NRP1: variants seen among roughly 807,000 people sequenced by gnomAD.
The protein encoded by NRP1 is neuropilin-1.
Under a neutral mutation model 106.7 loss-of-function variants are expected in NRP1, and 35 were observed. The ratio of observed to expected loss-of-function variants is 0.33; its 90% confidence interval spans 0.25 to 0.43. The LOEUF (loss-of-function observed/expected upper bound fraction) is 0.43, where lower values mean the gene tolerates loss of function less well. NRP1 is among the 20% of genes least tolerant of loss of function. NRP1 has a pLI of 1.00. For synonymous variants in NRP1, 437 were observed against 417.9 expected (o/e 1.05, Z -0.56); for missense variants, 1,024 against 1,170.4 (o/e 0.87, Z 1.83).
Position 33,186,233 on chromosome 10 carries a change from G to T in NRP1, c.2318C>A (p.Ser773Tyr). The change falls in exon 14 of 17, where the codon TCT (serine) becomes TAT (tyrosine). Residue 773 changes from serine to tyrosine, a missense_variant. By Grantham distance (144) the Ser-to-Tyr change is moderately radical (BLOSUM62 -2). Around this residue, in one of 5 missense-constraint regions of NRP1, gnomAD observed 13 missense variants for 34.7 expected, o/e 0.38. Transcript: ENST00000374867. The stretch of plus-strand genomic sequence containing the variant: ...AGGTCATACCTGATAAAGTTTCAGA[G>T]ACTTGTGGAGCAAGACACGCCCTTC... ...WKEGRVLLHKSLKLYQVIFEG... is the reference protein window; with the variant it reads ...WKEGRVLLHKYLKLYQVIFEG... 2 of 1,605,576 alleles carry T rather than the reference G, an allele frequency of 1.2e-6. No homozygotes were observed. Among genetic ancestry groups the T allele is most frequent in the Non-Finnish European group, 1.7e-6 (2 of 1,174,440 alleles).
intron 13 of NRP1, among the ~76,000 whole-genome samples, chr10:33,188,478 C>G (rs1836169923): frequency 6.6e-6 from 1 of 152,124 alleles, no homozygotes; most frequent in African/African-American, 2.4e-5. Context: ...AACAGGGCTT[C>G]TCAAATGATG....
chr10:33,300,511 G>T (rs1450663887), intron 2 of NRP1, among the ~76,000 whole-genome samples: 1 of 152,152 alleles, frequency 6.6e-6, no homozygotes, highest in Non-Finnish European at 1.5e-5. Context: ...ATGCTGCAGT[G>T]GTTCCTGAGT....
At chr10:33,197,078 A>G (rs1836840026) in intron 12 of NRP1, among the ~76,000 whole-genome samples, 1 of 152,222 alleles carries the variant, frequency 6.6e-6, no homozygotes, top group Admixed American at 6.5e-5. Context: ...CCTGATCGAC[A>G]GCAAACCGAG....
chr10:33,228,359 G>A (rs953595365), intron 6 of NRP1, among the ~76,000 whole-genome samples: 1 of 152,096 alleles, frequency 6.6e-6, no homozygotes, highest in African/African-American at 2.4e-5. Flanking sequence ...GTGACTGACA[G>A]AGAGAAACTC....
intron 8 of NRP1, among the ~76,000 whole-genome samples, chr10:33,220,345 A>T (rs1464028471): frequency 6.6e-6 from 1 of 152,156 alleles, no homozygotes; most frequent in Non-Finnish European, 1.5e-5. Context: ...AAAATTAAAT[A>T]CCCCAAATAC....
chr10:33,289,192 A>G (rs1243259437), intron 2 of NRP1, among the ~76,000 whole-genome samples: 2 of 152,216 alleles, frequency 1.3e-5, no homozygotes, highest in Non-Finnish European at 2.9e-5. Flanking sequence ...CAAATCACAT[A>G]AATCACTTCT....
chr10:33,226,415 G>T lies in NRP1; in HGVS notation c.982-126C>A, dbSNP rs111971318. ...GGGATCAACAGGGCCTCATTCCATCGGGTGTCCACAGTCCCTGACTCCTCC... is the reference window on the plus strand; with the variant it reads ...GGGATCAACAGGGCCTCATTCCATCTGGTGTCCACAGTCCCTGACTCCTCC... On this transcript the variant is annotated intron_variant, in intron 6 of 16. Transcript: ENST00000374867. The T allele has an allele frequency of 6.4e-5, 61 of 949,228 alleles. 1 individual carries two copies. The highest frequency in any genetic ancestry group is 3.9e-4 in the Admixed American group (16 of 40,768). 58.8% of individuals were successfully genotyped at this position (949,228 alleles called of 1,614,324 possible). A position where few individuals can be genotyped will look rare whatever the true frequency, so the allele number is the denominator to read the frequency against.
intron 2 of NRP1, among the ~76,000 whole-genome samples, chr10:33,284,985 T>C (rs762810927): frequency 6.6e-6 from 1 of 152,210 alleles, no homozygotes; most frequent in African/African-American, 2.4e-5. Context: ...GATGAAAACA[T>C]ACATTTGAGA....
Position 33,330,719 on chromosome 10 carries a change from G to A in NRP1, c.237C>T (p.Asp79=). Residue 79 remains aspartate, a synonymous_variant, in exon 2 of 17, where the codon GAC becomes GAT. Coordinates refer to ENST00000374867, the MANE Select transcript of NRP1 (RefSeq NM_003873.7). ...ACATTCCCACTTACTTGCAGTCTCT[G>A]TCCTCCAAATCGAAGTGAGGGTTGA... ...INFNPHFDLE[D]RDCKYDYVEV... The A allele has an allele frequency of 6.2e-7, 1 of 1,612,088 alleles. No individual in the cohort carries two copies. The highest frequency in any genetic ancestry group is 1.1e-5 in the South Asian group (1 of 90,866).
At chr10:33,279,665 G>C (rs1249428092) in intron 2 of NRP1, among the ~76,000 whole-genome samples, 2 of 152,178 alleles carry the variant, frequency 1.3e-5, no homozygotes, top group Admixed American at 6.5e-5. Flanking sequence ...CTGGGAGACA[G>C]TGTGTGGATA....
chr10:33,245,235 G>A (rs1841330258), intron 6 of NRP1, among the ~76,000 whole-genome samples: 1 of 152,214 alleles, frequency 6.6e-6, no homozygotes, highest in Non-Finnish European at 1.5e-5. Context: ...TTTTACGCCA[G>A]CGGTTTTCAA....
intron 3 of NRP1, among the ~76,000 whole-genome samples, chr10:33,266,412 C>T (rs1250087335): frequency 6.6e-6 from 1 of 152,218 alleles, no homozygotes; most frequent in Non-Finnish European, 1.5e-5. Context: ...TTCTGGTTCT[C>T]AAATTCTGCG....
chr10:33,298,831 G>T (rs1011440716), intron 2 of NRP1, among the ~76,000 whole-genome samples: 1 of 152,018 alleles, frequency 6.6e-6, no homozygotes, highest in Non-Finnish European at 1.5e-5. Context: ...GACACCACAC[G>T]AATTCTAGCT....
intron 6 of NRP1, 83 bp downstream of exon 6, chr10:33,253,945 A>G: frequency 4.6e-6 from 6 of 1,312,214 alleles, no homozygotes; most frequent in Non-Finnish European, 6.3e-6. Context: ...GCCATTTGGC[A>G]CAGTACCACT....
intron 2 of NRP1, among the ~76,000 whole-genome samples, chr10:33,278,850 T>C (rs991456193): frequency 8.5e-5 from 13 of 152,170 alleles, no homozygotes; most frequent in African/African-American, 2.9e-4. Context: ...ATAAAGACTA[T>C]CAATAATTTT....
At chr10:33,287,219 G>A (rs1452584780) in intron 2 of NRP1, among the ~76,000 whole-genome samples, 1 of 152,084 alleles carries the variant, frequency 6.6e-6, no homozygotes, top group African/African-American at 2.4e-5. Context: ...GTTTTTCTAA[G>A]TTTTCTTCTT....
At chr10:33,217,939 A>G (rs1176412498) in intron 8 of NRP1, among the ~76,000 whole-genome samples, 1 of 152,244 alleles carries the variant, frequency 6.6e-6, no homozygotes, top group Non-Finnish European at 1.5e-5. Flanking sequence ...ACCAATTTCC[A>G]ACGAATGAGA....
At chr10:33,322,965 T>G (rs1847623481) in intron 2 of NRP1, among the ~76,000 whole-genome samples, 1 of 152,158 alleles carries the variant, frequency 6.6e-6, no homozygotes, top group Non-Finnish European at 1.5e-5. Flanking sequence ...TTTATTTGGG[T>G]TCTGTTCATA....
At chr10:33,231,487 G>A (rs1447070489) in intron 6 of NRP1, among the ~76,000 whole-genome samples, 2 of 152,146 alleles carry the variant, frequency 1.3e-5, no homozygotes, top group East Asian at 3.8e-4. Flanking sequence ...CTCTATGCCT[G>A]ATAACTGGCT....
Sources: allele counts gnomAD v4.1 joint callset (sites outside exome capture counted in the v4.1 genomes callset), GRCh38; gene constraint gnomAD v4.1.1; regional missense constraint gnomAD v4.1.1; transcripts MANE v1.5; gene names NCBI Gene and HGNC (gene_info 2026-07-23, HGNC 2026-07-21).